TESK2: variants seen among roughly 807,000 people sequenced by gnomAD.
The protein encoded by TESK2 is dual specificity testis-specific protein kinase 2.
Under a neutral mutation model 57.1 loss-of-function variants are expected in TESK2, and 39 were observed. The observed-to-expected ratio is 0.68, with a 90% CI of 0.53 to 0.89. TESK2 has a LOEUF of 0.89. Ranked by LOEUF, TESK2 falls within the 40% of genes least tolerant of loss-of-function variation. TESK2 has a pLI of 0.00. For synonymous variants in TESK2, 249 were observed against 267.9 expected (o/e 0.93, Z 0.69); for missense variants, 646 against 732.1 (o/e 0.88, Z 1.36).
At chr1:45,373,070 C>CTGT in intron 4 of TESK2, among the ~76,000 whole-genome samples, 1 of 150,938 alleles carries the variant, frequency 6.6e-6, no homozygotes, top group South Asian at 2.1e-4. Context: ...GTCTGGAGAT[C>CTGT]TGTTGCACAA....
intron 4 of TESK2, among the ~76,000 whole-genome samples, chr1:45,378,040 T>C (rs1044894025): frequency 1.3e-5 from 2 of 151,166 alleles, no homozygotes; most frequent in East Asian, 3.9e-4. Context: ...AATAAAGAAA[T>C]GAAATGATAA....
At chr1:45,426,104 T>C (rs1244099155) in intron 2 of TESK2, among the ~76,000 whole-genome samples, 2 of 151,996 alleles carry the variant, frequency 1.3e-5, no homozygotes, top group Non-Finnish European at 2.9e-5. Context: ...TGAGCCAAGA[T>C]TGCACCACTG....
chr1:45,490,680 G>A (rs1345688390), intron 1 of TESK2, among the ~76,000 whole-genome samples, 172 bp downstream of exon 1: 1 of 152,176 alleles, frequency 6.6e-6, no homozygotes, highest in African/African-American at 2.4e-5. Context: ...AAAGCGGCCA[G>A]GAAGGGAGCG....
chr1:45,477,377 G>C (rs1039688649), intron 1 of TESK2, among the ~76,000 whole-genome samples: 10 of 152,162 alleles, frequency 6.6e-5, no homozygotes, highest in African/African-American at 2.4e-4. Context: ...AAAAGTTCAG[G>C]AAAGTAAATT....
chr1:45,407,292 A>G (rs1649886240), intron 3 of TESK2, among the ~76,000 whole-genome samples: 1 of 151,870 alleles, frequency 6.6e-6, no homozygotes. Context: ...GGGTCCCACT[A>G]TGTTGCCCAG....
rs187674224 is a variant in TESK2, at chr1:45,350,320, C to A, written c.541-2320G>T. The stretch of plus-strand genomic sequence containing the variant: ...AGACACCTGAAAGTGCCTGAGGTGT[C>A]CTGGAACAGCTGCACAGTCAGTATT... On this transcript the variant is annotated intron_variant, in intron 5 of 10. Transcript: ENST00000372086. Among the ~76,000 whole-genome samples the A allele has an allele frequency of 1.3e-4, 20 of 152,290 alleles. 1 individual carries two copies. The East Asian group carries it at 3.5e-3, about 26-fold the overall frequency.
chr1:45,363,617 G>T (rs886747263), intron 4 of TESK2, among the ~76,000 whole-genome samples: 2 of 152,122 alleles, frequency 1.3e-5, no homozygotes, highest in Admixed American at 1.3e-4. Context: ...CATTGTTGAG[G>T]ATTTAATTCC....
chr1:45,379,594 T>C (rs1415185440), intron 4 of TESK2, among the ~76,000 whole-genome samples: 5 of 152,196 alleles, frequency 3.3e-5, no homozygotes, highest in South Asian at 4.1e-4. Flanking sequence ...GCAATACATA[T>C]CAACCCGCAT....
chr1:45,485,897 T>A (rs1269757055), intron 1 of TESK2, among the ~76,000 whole-genome samples: 6 of 149,414 alleles, frequency 4.0e-5, no homozygotes, highest in Non-Finnish European at 8.9e-5. Flanking sequence ...AAATGTATCT[T>A]AAAAAAAAAA....
intron 2 of TESK2, among the ~76,000 whole-genome samples, chr1:45,449,894 C>G (rs960070108): frequency 1.3e-5 from 2 of 152,072 alleles, no homozygotes; most frequent in Non-Finnish European, 2.9e-5. Flanking sequence ...TACTCTCCCC[C>G]CAGTGGGTTG....
At chr1:45,433,506 G>C (rs114562368) in intron 2 of TESK2, among the ~76,000 whole-genome samples, 1 of 151,994 alleles carries the variant, frequency 6.6e-6, no homozygotes, top group African/African-American at 2.4e-5. Flanking sequence ...AACTATTTCA[G>C]CTCTCACATA....
chr1:45,352,930 C>T (rs896096575), intron 5 of TESK2, among the ~76,000 whole-genome samples: 10 of 151,298 alleles, frequency 6.6e-5, no homozygotes, highest in Non-Finnish European at 1.5e-4. Context: ...GACGGAGTCT[C>T]GCTCAGTCGC....
chr1:45,407,729 T>C (rs1340899880), intron 3 of TESK2, among the ~76,000 whole-genome samples: 1 of 152,190 alleles, frequency 6.6e-6, no homozygotes, highest in Non-Finnish European at 1.5e-5. Flanking sequence ...TCTTTTGCCA[T>C]GACTGTGAGG....
At chr1:45,396,300 T>C (rs1020021977) in intron 3 of TESK2, among the ~76,000 whole-genome samples, 1 of 151,832 alleles carries the variant, frequency 6.6e-6, no homozygotes, top group African/African-American at 2.4e-5. Context: ...TTCACCATGT[T>C]GGCCAGGCTG....
At chr1:45,416,565 C>T (rs1003441188) in intron 3 of TESK2, among the ~76,000 whole-genome samples, 18 of 152,084 alleles carry the variant, frequency 1.2e-4, no homozygotes, top group Non-Finnish European at 1.5e-5. Context: ...TTTGTGGTGA[C>T]ATATTTAAAA....
intron 2 of TESK2, among the ~76,000 whole-genome samples, chr1:45,423,428 G>A (rs930387844): frequency 6.6e-6 from 1 of 151,974 alleles, no homozygotes; most frequent in South Asian, 2.1e-4. Context: ...GTGGTGGCGG[G>A]CACCTGTAGT....
intron 4 of TESK2, among the ~76,000 whole-genome samples, chr1:45,356,073 A>T (rs1421063367): frequency 6.6e-6 from 1 of 152,226 alleles, no homozygotes; most frequent in Non-Finnish European, 1.5e-5. Flanking sequence ...TAGATGGATT[A>T]GAGTGAAAAA....
At chr1:45,448,659 C>A (rs867435145) in intron 2 of TESK2, among the ~76,000 whole-genome samples, 1 of 152,088 alleles carries the variant, frequency 6.6e-6, no homozygotes, top group African/African-American at 2.4e-5. Context: ...TTATCACCGA[C>A]GGGATGGTAC....
intron 3 of TESK2, among the ~76,000 whole-genome samples, chr1:45,417,085 C>A (rs554284841): frequency 6.6e-6 from 1 of 152,144 alleles, no homozygotes. Flanking sequence ...TGCACCCAGC[C>A]TCTTCTCTCT....
Sources: allele counts gnomAD v4.1 joint callset (sites outside exome capture counted in the v4.1 genomes callset), GRCh38; gene constraint gnomAD v4.1.1; transcripts MANE v1.5; gene names NCBI Gene and HGNC (gene_info 2026-07-23, HGNC 2026-07-21).